Variants in PPFIA2 observed in about 807,000 individuals in gnomAD.
PPFIA2 encodes PPFI scaffold protein A2.
PPFIA2 carries 46 observed loss-of-function variants against 175.5 expected under a neutral mutation model. That is an observed-to-expected ratio of 0.26 (90% CI 0.21 to 0.34). The LOEUF (loss-of-function observed/expected upper bound fraction) is 0.34. Ranked by LOEUF, PPFIA2 falls within the 10% of genes least tolerant of loss-of-function variation. The pLI is 1.00. For synonymous variants in PPFIA2, 568 were observed against 511.4 expected (o/e 1.11, Z -1.49); for missense variants, 1,179 against 1,506.1 (o/e 0.78, Z 3.60).
rs148824252 is a variant in PPFIA2 at position 81,617,461 on chromosome 12, C to G, written c.303+59330G>C. On this transcript the variant is annotated intron_variant, in intron 4 of 32. Coordinates refer to ENST00000549396, the MANE Select transcript of PPFIA2 (RefSeq NM_003625.5). ...TTGTGCCTGCCCCTTCAACTTGGAG[C>G]TCCTAGAGAATTTGAATTGTGTTTC... Among the ~76,000 whole-genome samples, 654 of 152,296 alleles carry G rather than the reference C, an allele frequency of 4.3e-3. 5 individuals are homozygous for G. Among genetic ancestry groups the G allele is most frequent in the African/African-American group, 0.015 (623 of 41,558 alleles).
At chr12:81,381,249 T>C (rs1285176609) in intron 9 of PPFIA2, among the ~76,000 whole-genome samples, 1 of 152,148 alleles carries the variant, frequency 6.6e-6, no homozygotes, top group African/African-American at 2.4e-5. Flanking sequence ...ATAAGAGTAG[T>C]TGTATTTTAA....
intron 22 of PPFIA2, among the ~76,000 whole-genome samples, chr12:81,303,050 G>A (rs2048257663): frequency 6.6e-6 from 1 of 152,204 alleles, no homozygotes; most frequent in African/African-American, 2.4e-5. Flanking sequence ...AAACTGATTT[G>A]GCACAAAGAA....
chr12:81,447,041 G>A (rs1211626920), intron 5 of PPFIA2, among the ~76,000 whole-genome samples: 1 of 152,040 alleles, frequency 6.6e-6, no homozygotes, highest in African/African-American at 2.4e-5. Flanking sequence ...GCTCACTCCT[G>A]TAATCCCAGC....
chr12:81,715,165 T>C (rs1486984829), intron 3 of PPFIA2, among the ~76,000 whole-genome samples: 3 of 151,252 alleles, frequency 2.0e-5, no homozygotes, highest in South Asian at 4.1e-4. Flanking sequence ...AATTTCTCAA[T>C]ATACAGAGTA....
At chr12:81,737,514 G>C (rs879418061) in intron 3 of PPFIA2, among the ~76,000 whole-genome samples, 4 of 151,938 alleles carry the variant, frequency 2.6e-5, no homozygotes, top group Non-Finnish European at 5.9e-5. Flanking sequence ...TTTTACAAAT[G>C]AGATGACTGT....
chr12:81,697,867 G>C (rs538579069), intron 3 of PPFIA2, among the ~76,000 whole-genome samples: 7 of 152,138 alleles, frequency 4.6e-5, no homozygotes, highest in Admixed American at 4.6e-4. Context: ...AGTCAGGCTA[G>C]AATGATCAAT....
At chr12:81,617,755 T>C (rs1213666195) in intron 4 of PPFIA2, among the ~76,000 whole-genome samples, 1 of 152,240 alleles carries the variant, frequency 6.6e-6, no homozygotes, top group African/African-American at 2.4e-5. Flanking sequence ...CATTGATACA[T>C]AAAAGACCTA....
At chr12:81,508,312 G>A (rs968926300) in intron 4 of PPFIA2, among the ~76,000 whole-genome samples, 4 of 151,550 alleles carry the variant, frequency 2.6e-5, no homozygotes, top group South Asian at 2.1e-4. Context: ...ACCTGAGGTC[G>A]GGAGGTCGAG....
chr12:81,377,722 G>A (rs1198039532), intron 9 of PPFIA2, among the ~76,000 whole-genome samples: 3 of 151,920 alleles, frequency 2.0e-5, no homozygotes, highest in African/African-American at 7.3e-5. Flanking sequence ...TGATCATATT[G>A]CTTCTTGGTT....
At chr12:81,404,898 G>T (rs1417499432) in intron 8 of PPFIA2, among the ~76,000 whole-genome samples, 1 of 152,102 alleles carries the variant, frequency 6.6e-6, no homozygotes, top group African/African-American at 2.4e-5. Context: ...AGAAACTCTT[G>T]ACATTTTCAA....
Position 81,339,211 on chromosome 12 carries a change from A to G in PPFIA2, c.2517T>C (p.Gly839=). ...GCCCAAGTCGAGCTTTTTCTTTTTT[A>G]CCAAACAAACGTCCTATTGAAGACT... is the stretch of plus-strand genomic sequence containing the variant. ...GIKSSIGRLF[G]KKEKARLGQL... The change falls in exon 21 of 33, where the codon GGT becomes GGC. Residue 839 remains glycine, a synonymous_variant. Coordinates refer to ENST00000549396, the MANE Select transcript of PPFIA2 (RefSeq NM_003625.5). 6.2e-7 allele frequency: 1 copy of G among 1,603,940 alleles called. No homozygotes were observed. Among genetic ancestry groups the G allele is most frequent in the Non-Finnish European group, 8.5e-7 (1 of 1,175,412 alleles).
At chr12:81,504,261 A>G (rs184746599) in intron 4 of PPFIA2, among the ~76,000 whole-genome samples, 1 of 152,304 alleles carries the variant, frequency 6.6e-6, no homozygotes, top group African/African-American at 2.4e-5. Flanking sequence ...ACAAACGGCT[A>G]ATATCTAGAA....
At chr12:81,367,286 T>C in intron 13 of PPFIA2, 116 bp from the exon 14 acceptor site, 1 of 718,958 alleles carries the variant, frequency 1.4e-6, no homozygotes, top group Non-Finnish European at 1.9e-6. Context: ...TTAGTTCAGG[T>C]ATTTCTTGGT....
chr12:81,482,479 G>T (rs973590666), intron 4 of PPFIA2, among the ~76,000 whole-genome samples: 2 of 152,158 alleles, frequency 1.3e-5, no homozygotes, highest in Non-Finnish European at 2.9e-5. Context: ...CAAAGGCTTG[G>T]AACCCACCCA....
At chr12:81,589,471 C>T (rs555758063) in intron 4 of PPFIA2, among the ~76,000 whole-genome samples, 11 of 151,992 alleles carry the variant, frequency 7.2e-5, no homozygotes, top group Admixed American at 1.3e-4. Context: ...CTATCAGTAA[C>T]GACTACATGA....
At chr12:81,582,037 G>C (rs536510694) in intron 4 of PPFIA2, among the ~76,000 whole-genome samples, 2 of 151,920 alleles carry the variant, frequency 1.3e-5, no homozygotes, top group South Asian at 4.1e-4. Context: ...CATATTTCCT[G>C]CTCCTTGCAT....
At position 81,709,411 on chromosome 12, in the gene PPFIA2, T is replaced by C. The variant is rs113182570; in HGVS notation, c.250-32567A>G. 1.2e-3 allele frequency among the ~76,000 whole-genome samples: 177 copies of C among 152,190 alleles called. 1 individual carries two copies. The highest frequency in any genetic ancestry group is 2.3e-3 in the Non-Finnish European group (157 of 68,024). ...TTGTTTATTGTTGGATTTTCCATTATGGAAACTACACTCCATGAGAGCATA... is the reference window on the plus strand; with the variant it reads ...TTGTTTATTGTTGGATTTTCCATTACGGAAACTACACTCCATGAGAGCATA... On this transcript the variant is annotated intron_variant, in intron 3 of 32. Transcript: ENST00000549396.
At chr12:81,341,352 T>C (rs2058035526) in intron 19 of PPFIA2, 144 bp from the exon 20 acceptor site, 1 of 656,912 alleles carries the variant, frequency 1.5e-6, no homozygotes, top group Non-Finnish European at 2.4e-6. Flanking sequence ...AAGTCTTACA[T>C]ACATAAATTC....
intron 3 of PPFIA2, among the ~76,000 whole-genome samples, chr12:81,711,553 C>T (rs1719139206): frequency 1.3e-5 from 2 of 151,372 alleles, no homozygotes; most frequent in South Asian, 2.1e-4. Context: ...AATTATTGTG[C>T]TATAGTAATA....
Sources: allele counts gnomAD v4.1 joint callset (sites outside exome capture counted in the v4.1 genomes callset), GRCh38; gene constraint gnomAD v4.1.1; transcripts MANE v1.5; gene names NCBI Gene and HGNC (gene_info 2026-07-23, HGNC 2026-07-21).